DGKB: variants seen among roughly 807,000 people sequenced by gnomAD.
DGKB encodes diacylglycerol kinase beta.
A neutral mutation model predicts 114.3 loss-of-function variants in DGKB; 67 were observed. That is an observed-to-expected ratio of 0.59 (90% CI 0.48 to 0.72). DGKB has a LOEUF of 0.72. DGKB is among the 30% of genes least tolerant of loss of function. The pLI is 0.00. For missense variants in DGKB, 907 were observed against 975.2 expected (o/e 0.93, Z 0.93); for synonymous variants, 398 against 323.1 (o/e 1.23, Z -2.49).
chr7:14,292,892 T>C (rs1801981847), intron 23 of DGKB, among the ~76,000 whole-genome samples: 1 of 152,320 alleles, frequency 6.6e-6, no homozygotes, highest in Middle Eastern at 3.4e-3. Flanking sequence ...TGTTTCATAT[T>C]GGCCATTTCT....
chr7:14,701,609 C>G, intron 7 of DGKB, 72 bp downstream of exon 7: 3 of 1,102,238 alleles, frequency 2.7e-6, no homozygotes, highest in Non-Finnish European at 4.2e-6. Flanking sequence ...GTAATAACTA[C>G]AAATTTATTC....
At position 14,672,923 on chromosome 7, in the gene DGKB, A is replaced by G; in HGVS notation, c.1134+6T>C. ...AGTTATAGTAGAATGATAAGGAAAAACTCACCAGTACCACTGGACAGATTG... is the reference window on the plus strand; with the variant it reads ...AGTTATAGTAGAATGATAAGGAAAAGCTCACCAGTACCACTGGACAGATTG... On this transcript the variant is annotated splice_donor_region_variant and intron_variant, in intron 13 of 25. Transcript: ENST00000402815. 1 of 1,529,888 alleles carries G rather than the reference A, an allele frequency of 6.5e-7. No individual in the cohort carries two copies. The highest frequency in any genetic ancestry group is 1.2e-5 in the South Asian group (1 of 83,356). 94.8% of individuals were successfully genotyped at this position (1,529,888 alleles called of 1,614,324 possible).
intron 1 of DGKB, among the ~76,000 whole-genome samples, chr7:14,922,742 T>A (rs1784571819): frequency 6.6e-6 from 1 of 152,178 alleles, no homozygotes; most frequent in Non-Finnish European, 1.5e-5. Context: ...TGACCAATAA[T>A]AATTGAGTAT....
chr7:14,901,605 A>ACCCCCCCCCCCCCCCCCCCCCCCCCCCC (rs1300363624), intron 1 of DGKB, among the ~76,000 whole-genome samples: 105 of 123,122 alleles, frequency 8.5e-4, no homozygotes, highest in Admixed American at 9.6e-4. Context: ...AGGGATTTCC[A>ACCCCCCCCCCCCCCCCCCCCCCCCCCCC]CCCCCCCCCA....
chr7:14,892,498 T>C (rs1198461010), intron 1 of DGKB, among the ~76,000 whole-genome samples: 1 of 151,212 alleles, frequency 6.6e-6, no homozygotes, highest in African/African-American at 2.4e-5. Flanking sequence ...CATATACATA[T>C]ATATTTACAT....
intron 23 of DGKB, among the ~76,000 whole-genome samples, chr7:14,213,557 C>T (rs1251372905): frequency 6.6e-6 from 1 of 152,128 alleles, no homozygotes; most frequent in African/African-American, 2.4e-5. Flanking sequence ...TATGCTAACT[C>T]TTCAGTATAA....
At position 14,673,008 on chromosome 7, in the gene DGKB, G is replaced by C. The variant is rs1819231613; in HGVS notation, c.1055C>G (p.Ser352Cys). 6.4e-7 allele frequency: 1 copy of C among 1,572,300 alleles called. No homozygotes were observed. ...ACAGTCACATTCAGGTTTTAGATGA[G>C]AAGCACATTTATTATGCAGCTAGAA... The part of the protein sequence containing the change: ...CQITLHNKCA[S>C]HLKPECDCGP... Residue 352 changes from serine (S) to cysteine (C), a missense_variant, in exon 13 of 26, where the codon TCT (serine) becomes TGT (cysteine). By Grantham distance (112) the Ser-to-Cys change is moderately radical (BLOSUM62 -1). This residue lies in a region of DGKB where 814 missense variants were observed against 856.6 expected (regional missense o/e 0.95). Transcript: ENST00000402815.
rs139166178 is a variant in DGKB at position 14,199,408 on chromosome 7, A to G, written c.2123-21257T>C. ...CTAAGAAAGCATTTGGATCAGATGA[A>G]TGGGAAATGTAATTAGGCTGGACAC... On this transcript the variant is annotated intron_variant, in intron 23 of 25. Coordinates refer to ENST00000402815, the MANE Select transcript of DGKB (RefSeq NM_001350709.2). 3.2e-4 allele frequency among the ~76,000 whole-genome samples: 48 copies of G among 152,160 alleles called. No individual in the cohort carries two copies. In the East Asian group the frequency reaches 8.5e-3, roughly 27 times the overall value.
chr7:14,569,358 C>T (rs1014170673), intron 20 of DGKB, among the ~76,000 whole-genome samples: 1 of 152,152 alleles, frequency 6.6e-6, no homozygotes. Context: ...TTCTGATCTG[C>T]CTTAAAATCA....
At chr7:14,247,421 T>G (rs980474198) in intron 23 of DGKB, among the ~76,000 whole-genome samples, 2 of 152,112 alleles carry the variant, frequency 1.3e-5, no homozygotes, top group Non-Finnish European at 2.9e-5. Flanking sequence ...TGTGAGAAAC[T>G]TCCATACATT....
Position 14,837,554 on chromosome 7 carries a change from A to AT in DGKB, c.70+3639dup, listed in dbSNP as rs200397367. Among the ~76,000 whole-genome samples, 643 of 152,256 alleles carry AT rather than the reference A, an allele frequency of 4.2e-3. 4 individuals are homozygous for AT. The highest frequency in any genetic ancestry group is 0.01 in the Middle Eastern group (3 of 294). On this transcript the variant is annotated intron_variant, in intron 2 of 25. Coordinates refer to ENST00000402815, the MANE Select transcript of DGKB (RefSeq NM_001350709.2). ...AATTTAACTTTAAATCAATAACTTG[A>AT]TTTTTTATACTTCTTTAATGTACAT...
intron 1 of DGKB, among the ~76,000 whole-genome samples, chr7:14,852,413 G>T (rs1849476773): frequency 7.6e-6 from 1 of 131,742 alleles, no homozygotes; most frequent in Non-Finnish European, 1.5e-5. Flanking sequence ...TTTGGTAGTT[G>T]AATATAAATA....
intron 21 of DGKB, among the ~76,000 whole-genome samples, chr7:14,435,477 C>T (rs1171668467): frequency 6.6e-6 from 1 of 152,046 alleles, no homozygotes; most frequent in East Asian, 1.9e-4. Context: ...GAAAGATGGG[C>T]TATACTGACC....
intron 13 of DGKB, among the ~76,000 whole-genome samples, chr7:14,655,525 T>C (rs958034034): frequency 4.0e-5 from 6 of 151,674 alleles, no homozygotes; most frequent in African/African-American, 1.2e-4. Flanking sequence ...CCAGCAATCC[T>C]GTTATTGGGT....
At position 14,146,869 on chromosome 7, in the gene DGKB, GGT is replaced by G. The variant is rs1781531677; in HGVS notation, c.*2260_*2261del. ...TTCAATCATTGAAATCTTATAAGCA[GGT>G]TGTTTAATTTGTCTCATCCCACTGT... On this transcript the variant is annotated 3_prime_UTR_variant, in exon 26 of 26. Coordinates refer to ENST00000402815, the MANE Select transcript of DGKB (RefSeq NM_001350709.2). 3 of 152,016 alleles carry G rather than the reference GGT, an allele frequency of 2.0e-5. No individual in the cohort carries two copies. In the South Asian group the frequency reaches 6.2e-4, roughly 31 times the overall value. The allele number at this position is 152,016 out of a possible 1,614,324, so 9.4% of individuals were successfully genotyped here.
intron 1 of DGKB, among the ~76,000 whole-genome samples, chr7:14,860,521 G>T (rs192119563): frequency 5.9e-5 from 9 of 151,984 alleles, no homozygotes; most frequent in African/African-American, 2.2e-4. Flanking sequence ...TTTAAAAATG[G>T]TATTTTACTG....
At chr7:14,407,431 G>A (rs1824121078) in intron 21 of DGKB, among the ~76,000 whole-genome samples, 1 of 151,994 alleles carries the variant, frequency 6.6e-6, no homozygotes, top group South Asian at 2.1e-4. Context: ...CACGGTGTGA[G>A]ACTGGAGAAC....
In DGKB at chr7:14,598,603, CTT is replaced by C. The variant is rs536279636; in HGVS notation, c.1433+8829_1433+8830del. ...CACACAGATTATGTATTCATCAACT[CTT>C]TAAGAAACAGAAATTCAGAACTATT... On this transcript the variant is annotated intron_variant, in intron 17 of 25. Transcript: ENST00000402815. Among the ~76,000 whole-genome samples, 39 of 152,264 alleles carry C rather than the reference CTT, an allele frequency of 2.6e-4. 1 individual carries two copies. The East Asian group carries it at 7.1e-3, about 28-fold the overall frequency.
intron 2 of DGKB, among the ~76,000 whole-genome samples, chr7:14,818,675 G>C (rs1189551640): frequency 1.3e-5 from 2 of 152,300 alleles, no homozygotes; most frequent in African/African-American, 4.8e-5. Context: ...CCTCCAGTCA[G>C]ATTAGTTTAT....
Sources: allele counts gnomAD v4.1 joint callset (sites outside exome capture counted in the v4.1 genomes callset), GRCh38; gene constraint gnomAD v4.1.1; regional missense constraint gnomAD v4.1.1; transcripts MANE v1.5; gene names NCBI Gene and HGNC (gene_info 2026-07-23, HGNC 2026-07-21).